The following CA10 variants were observed in gnomAD, a reference collection of about 807,000 sequenced individuals.
CA10 encodes carbonic anhydrase 10 (inactive), also known as carbonic anhydrase-related protein 10.
In CA10, 14 loss-of-function variants were observed where a neutral mutation model predicts 44.2. The ratio of observed to expected loss-of-function variants is 0.32; its 90% CI spans 0.21 to 0.50. CA10 has a LOEUF of 0.50. CA10 is among the 20% of genes least tolerant of loss of function. The pLI is 0.99. For missense variants in CA10, 350 were observed against 409.7 expected (o/e 0.85, Z 1.26); for synonymous variants, 159 against 141.6 (o/e 1.12, Z -0.87).
At chr17:51,995,484 C>T (rs564737008) in intron 2 of CA10, among the ~76,000 whole-genome samples, 2 of 152,126 alleles carry the variant, frequency 1.3e-5, no homozygotes, top group African/African-American at 4.8e-5. Context: ...TAGGAGAAGA[C>T]ATCATTCAAC....
chr17:52,102,176 T>C (rs556013703), intron 1 of CA10, among the ~76,000 whole-genome samples: 11 of 152,320 alleles, frequency 7.2e-5, no homozygotes, highest in African/African-American at 2.6e-4. Context: ...CTCTCAGCTT[T>C]TAACTTGCCA....
At chr17:51,931,485 G>T (rs377221297) in intron 2 of CA10, among the ~76,000 whole-genome samples, 1 of 152,088 alleles carries the variant, frequency 6.6e-6, no homozygotes, top group African/African-American at 2.4e-5. Context: ...CAATTCCCTG[G>T]AGTTGATGCT....
At chr17:52,121,079 C>T (rs533344787) in intron 1 of CA10, among the ~76,000 whole-genome samples, 1 of 152,304 alleles carries the variant, frequency 6.6e-6, no homozygotes, top group Admixed American at 6.5e-5. Context: ...TCCCTGCCTC[C>T]AAGAATCTGA....
At chr17:52,143,133 A>C (rs1334005939) in intron 1 of CA10, among the ~76,000 whole-genome samples, 1 of 152,174 alleles carries the variant, frequency 6.6e-6, no homozygotes, top group Non-Finnish European at 1.5e-5. Flanking sequence ...AATTTTGTTC[A>C]AATTTAATAC....
intron 2 of CA10, among the ~76,000 whole-genome samples, chr17:51,934,369 CCCTT>C (rs1472632484): frequency 2.5e-5 from 2 of 80,272 alleles, no homozygotes; most frequent in African/African-American, 8.4e-5. Flanking sequence ...TGCTCTAAAC[CCCTT>C]CCTCTCCAGC....
chr17:51,850,736 G>A (rs1357410529), intron 3 of CA10, among the ~76,000 whole-genome samples: 1 of 152,164 alleles, frequency 6.6e-6, no homozygotes, highest in African/African-American at 2.4e-5. Flanking sequence ...TTAGAACAGC[G>A]CCCAACACTT....
At chr17:52,105,323 C>T (rs773722171) in intron 1 of CA10, among the ~76,000 whole-genome samples, 7 of 151,834 alleles carry the variant, frequency 4.6e-5, no homozygotes, top group Non-Finnish European at 7.4e-5. Flanking sequence ...GGCACAATCT[C>T]GGCTCAGTGC....
chr17:52,110,929 G>A (rs1409529164), intron 1 of CA10, among the ~76,000 whole-genome samples: 1 of 152,194 alleles, frequency 6.6e-6, no homozygotes, highest in Non-Finnish European at 1.5e-5. Flanking sequence ...ATCTGGGAAA[G>A]GCACCAGAAA....
At chr17:51,842,779 G>C (rs16950631) in intron 3 of CA10, among the ~76,000 whole-genome samples, 23,077 of 151,752 alleles carry the variant, frequency 0.15, 3,901 homozygotes, top group African/African-American at 0.42. Context: ...AAAGTTAACA[G>C]TATATGGTAT....
chr17:51,856,480 G>A lies in CA10; in HGVS notation c.279+74510C>T, dbSNP rs567201961. 3.5e-4 allele frequency among the ~76,000 whole-genome samples: 53 copies of A among 152,148 alleles called. 1 individual carries two copies. Among genetic ancestry groups the A allele is most frequent in the African/African-American group, 1.1e-3 (47 of 41,512 alleles). ...ACAGATAGTTGTAAAGTAAGTGGCC[G>A]CCAAGGAGCATAAAAATAATGACAA... On this transcript the variant is annotated intron_variant, in intron 3 of 8. Transcript: ENST00000451037.
intron 2 of CA10, among the ~76,000 whole-genome samples, chr17:51,952,567 T>A (rs1187546295): frequency 1.3e-5 from 2 of 151,392 alleles, no homozygotes; most frequent in African/African-American, 4.9e-5. Context: ...AAAAAAAAAA[T>A]TAAAACTAAA....
rs982346167 is a variant in CA10 at position 51,636,865 on chromosome 17, G to A, written c.635-856C>T. On this transcript the variant is annotated intron_variant, in intron 6 of 8. Transcript: ENST00000451037. Reference sequence around the variant, plus strand: ...ATAGCCTTTTCTCTTACACCAATTTGAGGTATTCATACCCATATATCTTCT... The same window carrying A: ...ATAGCCTTTTCTCTTACACCAATTTAAGGTATTCATACCCATATATCTTCT... Among the ~76,000 whole-genome samples the A allele has an allele frequency of 1.3e-4, 20 of 150,950 alleles. 1 individual carries two copies. Among genetic ancestry groups the A allele is most frequent in the African/African-American group, 4.9e-4 (20 of 40,994 alleles).
chr17:51,871,662 G>A (rs1417507544), intron 3 of CA10, among the ~76,000 whole-genome samples: 1 of 152,128 alleles, frequency 6.6e-6, no homozygotes, highest in East Asian at 1.9e-4. Context: ...TGGGATTACA[G>A]GTGTGAGCCA....
intron 3 of CA10, among the ~76,000 whole-genome samples, chr17:51,924,496 T>C (rs1460162774): frequency 1.3e-5 from 2 of 152,212 alleles, no homozygotes; most frequent in Admixed American, 6.5e-5. Flanking sequence ...TAGATACACC[T>C]ATAGCTTTGT....
chr17:51,754,378 A>G (rs979892960), intron 3 of CA10, among the ~76,000 whole-genome samples: 1 of 142,618 alleles, frequency 7.0e-6, no homozygotes, highest in African/African-American at 2.6e-5. Flanking sequence ...GCACACACAC[A>G]TACATACTAC....
chr17:52,064,567 T>A (rs1056885926), intron 2 of CA10, among the ~76,000 whole-genome samples: 21 of 98 alleles, frequency 0.21, no homozygotes, highest in Non-Finnish European at 0.44. Flanking sequence ...ATCATGAGAC[T>A]TTTTTTTTTT....
At chr17:51,784,459 T>G (rs1906182010) in intron 3 of CA10, among the ~76,000 whole-genome samples, 1 of 152,232 alleles carries the variant, frequency 6.6e-6, no homozygotes, top group Non-Finnish European at 1.5e-5. Flanking sequence ...ACACTAGGAC[T>G]TATTCTGTCT....
chr17:52,004,164 T>C lies in CA10; in HGVS notation c.136+68155A>G, dbSNP rs556551482. Among the ~76,000 whole-genome samples the C allele has an allele frequency of 1.6e-3, 240 of 152,116 alleles. 1 individual carries two copies. Among genetic ancestry groups the C allele is most frequent in the Non-Finnish European group, 3.0e-3 (204 of 67,904 alleles). ...CAGATCATAAAAATTCATTGAATTA[T>C]GCTTCTTCTTATACTATAATTTAAT... On this transcript the variant is annotated intron_variant, in intron 2 of 8. Coordinates refer to ENST00000451037, the MANE Select transcript of CA10 (RefSeq NM_020178.5).
intron 3 of CA10, among the ~76,000 whole-genome samples, chr17:51,840,478 TACACACACACACACACACAC>T (rs3033576): frequency 1.4e-5 from 2 of 146,620 alleles, no homozygotes; most frequent in South Asian, 2.3e-4. Flanking sequence ...CAACCTTTAA[TACACACACACACACACACAC>T]ACACACACAC....
Sources: allele counts gnomAD v4.1 joint callset (sites outside exome capture counted in the v4.1 genomes callset), GRCh38; gene constraint gnomAD v4.1.1; transcripts MANE v1.5; gene names NCBI Gene and HGNC (gene_info 2026-07-23, HGNC 2026-07-21).